ANKFN1: variants seen among roughly 807,000 people sequenced by gnomAD.
The protein encoded by ANKFN1 is ankyrin repeat and fibronectin type III domain containing 1.
ANKFN1 carries 74 observed loss-of-function variants against 108.7 expected under a neutral mutation model. The ratio of observed to expected loss-of-function variants is 0.68; its 90% CI spans 0.56 to 0.83. The LOEUF is 0.83. Among genes scored for constraint, ANKFN1 ranks in the 40% least tolerant of loss-of-function variants. ANKFN1 has a pLI of 0.00. For synonymous variants in ANKFN1, 547 were observed against 516.2 expected, an observed-to-expected ratio of 1.06 and a Z score of -0.81; for missense variants, 1,505 against 1,382.3, an observed-to-expected ratio of 1.09 and a Z score of -1.41.
chr17:56,384,359 C>T (rs1424095389), intron 8 of ANKFN1, among the ~76,000 whole-genome samples: 5 of 152,088 alleles, frequency 3.3e-5, no homozygotes, highest in South Asian at 2.1e-4. Flanking sequence ...ATGACAAACC[C>T]ACAGCCAATA....
chr17:56,186,444 A>G (rs1458513624), intron 1 of ANKFN1, among the ~76,000 whole-genome samples: 2 of 152,230 alleles, frequency 1.3e-5, no homozygotes, highest in African/African-American at 4.8e-5. Context: ...AGAGAGGTTA[A>G]GCGGCTTGTC....
At chr17:56,495,595 C>T (rs536444278) in intron 19 of ANKFN1, among the ~76,000 whole-genome samples, 17 of 152,100 alleles carry the variant, frequency 1.1e-4, no homozygotes, top group African/African-American at 3.9e-4. Context: ...GCCTGGGCCA[C>T]GGGAGGTGTA....
chr17:56,391,561 G>A (rs1162714693), intron 8 of ANKFN1, among the ~76,000 whole-genome samples: 6 of 151,694 alleles, frequency 4.0e-5, no homozygotes, highest in Admixed American at 3.3e-4. Context: ...GGAGTAGCTG[G>A]GATTACAGGC....
At chr17:56,507,455 T>C (rs2051606491) in intron 20 of ANKFN1, among the ~76,000 whole-genome samples, 3 of 152,064 alleles carry the variant, frequency 2.0e-5, no homozygotes, top group Admixed American at 2.0e-4. Flanking sequence ...CCCTCCTTAT[T>C]ATATTATCAA....
chr17:56,100,242 A>G (rs758962760), intron 4 of ANKFN1, among the ~76,000 whole-genome samples: 1 of 152,230 alleles, frequency 6.6e-6, no homozygotes, highest in Non-Finnish European at 1.5e-5. Context: ...TTGTTATACA[A>G]GTAACGGATG....
At chr17:56,342,375 T>A (rs1261447691) in intron 4 of ANKFN1, among the ~76,000 whole-genome samples, 4 of 151,864 alleles carry the variant, frequency 2.6e-5, no homozygotes, top group African/African-American at 9.7e-5. Context: ...TTCTCTAGGT[T>A]TTTTTGTTGT....
rs184036799 is a variant in ANKFN1, at chr17:56,066,601, T to C, written c.288+20276T>C. 3.9e-5 allele frequency among the ~76,000 whole-genome samples: 6 copies of C among 152,360 alleles called. No homozygotes were observed. The East Asian group carries it at 1.2e-3, about 29-fold the overall frequency. On this transcript the variant is annotated intron_variant, in intron 4 of 12. Transcript: ENST00000635860. ...TGAAAAAATTTTGGTGAAATATGCA[T>C]AACATGACGTGTATCATCTTAACCA...
intron 8 of ANKFN1, among the ~76,000 whole-genome samples, chr17:56,380,019 G>A (rs1214834326): frequency 6.6e-6 from 1 of 152,182 alleles, no homozygotes; most frequent in African/African-American, 2.4e-5. Context: ...GAATTGGCCT[G>A]TCAAGTTCAC....
intron 3 of ANKFN1, among the ~76,000 whole-genome samples, chr17:56,265,913 C>G (rs1241652270): frequency 6.6e-6 from 1 of 151,988 alleles, no homozygotes; most frequent in Non-Finnish European, 1.5e-5. Flanking sequence ...GATGCAGAAC[C>G]TGTAGATATA....
intron 15 of ANKFN1, among the ~76,000 whole-genome samples, chr17:56,476,271 A>G (rs1186151886): frequency 6.6e-6 from 1 of 152,216 alleles, no homozygotes; most frequent in Non-Finnish European, 1.5e-5. Context: ...CAAATGTAAA[A>G]GTTTTACCTA....
intron 3 of ANKFN1, among the ~76,000 whole-genome samples, chr17:56,315,577 A>G (rs1206102118): frequency 1.3e-5 from 2 of 152,204 alleles, no homozygotes; most frequent in Non-Finnish European, 2.9e-5. Context: ...TTGACCTTTT[A>G]ATTCCATTCA....
intron 11 of ANKFN1, among the ~76,000 whole-genome samples, chr17:56,451,848 T>G (rs1004521585): frequency 3.0e-4 from 45 of 152,190 alleles, no homozygotes; most frequent in Non-Finnish European, 5.1e-4. Flanking sequence ...GTAATGACCG[T>G]GTAATGACTC....
At chr17:56,083,202 G>C (rs1394583862) in intron 4 of ANKFN1, among the ~76,000 whole-genome samples, 1 of 147,728 alleles carries the variant, frequency 6.8e-6, no homozygotes, top group Non-Finnish European at 1.5e-5. Flanking sequence ...ACTCAACTGT[G>C]CCGAGAAGAA....
At chr17:56,048,296 G>C (rs1567777067) in intron 4 of ANKFN1, among the ~76,000 whole-genome samples, 2 of 151,990 alleles carry the variant, frequency 1.3e-5, no homozygotes, top group South Asian at 4.2e-4. Context: ...TGTGCCCAAA[G>C]CATTTTTACT....
chr17:56,160,605 A>G (rs1909563906), intron 1 of ANKFN1, among the ~76,000 whole-genome samples: 1 of 152,158 alleles, frequency 6.6e-6, no homozygotes, highest in Non-Finnish European at 1.5e-5. Flanking sequence ...GAGTTCCAGG[A>G]AAAAAATGGA....
chr17:56,345,257 G>A (rs2046066269), intron 4 of ANKFN1, among the ~76,000 whole-genome samples: 1 of 152,108 alleles, frequency 6.6e-6, no homozygotes. Context: ...ATTCCATGGT[G>A]TATATGTGCC....
intron 3 of ANKFN1, among the ~76,000 whole-genome samples, chr17:56,299,475 A>C (rs2044611345): frequency 6.6e-6 from 1 of 152,196 alleles, no homozygotes; most frequent in Non-Finnish European, 1.5e-5. Flanking sequence ...ATCCCTGTAC[A>C]TTCTGAATGT....
intron 4 of ANKFN1, among the ~76,000 whole-genome samples, chr17:56,147,913 C>A (rs926925288): frequency 1.3e-5 from 2 of 152,164 alleles, no homozygotes; most frequent in Non-Finnish European, 2.9e-5. Context: ...ATAAGGGTGG[C>A]TACCCTCTGC....
At chr17:56,306,281 C>A (rs1451597729) in intron 3 of ANKFN1, among the ~76,000 whole-genome samples, 1 of 152,182 alleles carries the variant, frequency 6.6e-6, no homozygotes, top group Admixed American at 6.6e-5. Flanking sequence ...ATCTTCTAAT[C>A]CATGAACACA....
Sources: gnomAD v4.1 joint callset for allele counts (sites outside exome capture counted in the v4.1 genomes callset) on GRCh38, gnomAD v4.1.1 for gene constraint, MANE v1.5 for transcripts, NCBI Gene and HGNC (gene_info 2026-07-23, HGNC 2026-07-21) for gene names.